The following ADARB1 variants were observed in gnomAD, a reference collection of about 807,000 sequenced individuals.
ADARB1 encodes the protein adenosine deaminase RNA specific B1.
A neutral mutation model predicts 52.4 loss-of-function variants in ADARB1; 10 were observed. The ratio of observed to expected loss-of-function variants is 0.19; its 90% confidence interval spans 0.12 to 0.32. The LOEUF (loss-of-function observed/expected upper bound fraction) is 0.32, where lower values mean the gene tolerates loss of function less well. Among genes scored for constraint, ADARB1 ranks in the 10% least tolerant of loss-of-function variants. The pLI is 1.00. For synonymous variants in ADARB1, 349 were observed against 371.1 expected (o/e 0.94, Z 0.68); for missense variants, 643 against 922.3 (o/e 0.70, Z 3.92).
At chr21:45,175,694 G>T (rs745855846) in intron 3 of ADARB1, 36 bp from the exon 4 acceptor site, 1 of 1,604,038 alleles carries the variant, frequency 6.2e-7, no homozygotes, top group Non-Finnish European at 8.5e-7. Context: ...ATCCTGCAAC[G>T]AAGGCATTGT....
In ADARB1 at chr21:45,224,878, C is replaced by T. The variant is rs768446988; in HGVS notation, c.*2681C>T. The T allele has an allele frequency of 4.1e-6, 4 of 985,752 alleles. No homozygotes were observed. Among genetic ancestry groups the T allele is most frequent in the Non-Finnish European group, 4.8e-6 (4 of 829,906 alleles). 61.1% of individuals were successfully genotyped at this position (985,752 alleles called of 1,614,324 possible). Reference sequence around the variant, plus strand: ...GATCGGGGACCTTAGCACTTTAATCCCTCCCTTCTGAGCGCTCGGTGTGCA... The same window carrying T: ...GATCGGGGACCTTAGCACTTTAATCTCTCCCTTCTGAGCGCTCGGTGTGCA... On this transcript the variant is annotated 3_prime_UTR_variant, in exon 11 of 11. Transcript: ENST00000348831.
rs570995156 is a variant in ADARB1 at position 45,131,608 on chromosome 21, G to A, written c.-48+3035G>A. Among the ~76,000 whole-genome samples the A allele has an allele frequency of 1.9e-4, 29 of 152,294 alleles. No individual in the cohort carries two copies. In the East Asian group the frequency reaches 5.0e-3, roughly 26 times the overall value. On this transcript the variant is annotated intron_variant, in intron 2 of 10. Transcript: ENST00000348831. ...CATGTTGCTACCTGTTGCTACCACCGGGCATCGCTGCCGCCTCCTGCTCTG... is the reference window on the plus strand; with the variant it reads ...CATGTTGCTACCTGTTGCTACCACCAGGCATCGCTGCCGCCTCCTGCTCTG...
rs575722126 is a variant in ADARB1, at chr21:45,202,349, T to G, written c.1566-2206T>G. Among the ~76,000 whole-genome samples the G allele has an allele frequency of 7.9e-5, 12 of 152,264 alleles. No individual in the cohort carries two copies. In the South Asian group the frequency reaches 2.3e-3, roughly 29 times the overall value. On this transcript the variant is annotated intron_variant, in intron 8 of 10. Transcript: ENST00000348831. ...GACCCCAGAGTGGGGACTGAGCAGC[T>G]GGAGGTCAGTGCTGGGGCATATCCA...
chr21:45,180,511 A>T (rs561661090), intron 5 of ADARB1, 67 bp downstream of exon 5: 9 of 1,337,538 alleles, frequency 6.7e-6, no homozygotes, highest in East Asian at 2.4e-5. Context: ...AATGTTCTCA[A>T]TCGACAAAAA....
chr21:45,136,501 C>G (rs1167124638), intron 2 of ADARB1, among the ~76,000 whole-genome samples: 1 of 152,208 alleles, frequency 6.6e-6, no homozygotes, highest in Non-Finnish European at 1.5e-5. Flanking sequence ...CGCCCGGCAC[C>G]ATGTTTCAGA....
rs771170906 is a variant in ADARB1, at chr21:45,204,699, G to A, written c.1710G>A (p.Leu570=). The stretch of plus-strand genomic sequence containing the variant: ...AGCGGATCTCCAACATAGAGGACCT[G>A]CCACCTCTCTACACCCTCAACAAGC... ...MYQRISNIED[L]PPLYTLNKPL... is the part of the protein sequence containing the mutation. Residue 570 remains leucine (L), a synonymous_variant, in exon 9 of 11, where the codon CTG becomes CTA. Coordinates refer to ENST00000348831, the MANE Select transcript of ADARB1 (RefSeq NM_001112.4). This position sits in a 1 kb window ranked among gnomAD's most constrained non-coding sequence, Gnocchi z 4.4. 17 of 1,613,430 alleles carry A rather than the reference G, an allele frequency of 1.1e-5. No homozygotes were observed. The Admixed American group carries it at 2.8e-4, about 27-fold the overall frequency.
intron 9 of ADARB1, among the ~76,000 whole-genome samples, chr21:45,219,619 G>A (rs1026595630): frequency 6.6e-6 from 1 of 152,062 alleles, no homozygotes; most frequent in African/African-American, 2.4e-5. Context: ...TGCCCCTTAA[G>A]GAATTTTTGA....
At chr21:45,156,967 C>G (rs1455372881) in intron 2 of ADARB1, among the ~76,000 whole-genome samples, 6 of 152,226 alleles carry the variant, frequency 3.9e-5, no homozygotes, top group Non-Finnish European at 8.8e-5. Flanking sequence ...ACACCATTCT[C>G]TAGCAGTGTC....
rs2092518724 is a variant in ADARB1, at chr21:45,200,169, T to TC, written c.1566-4382dup. Reference sequence around the variant, plus strand: ...ATGGGGCTGGGTGAGGCTGAACTGTTCCCCTTACACAGGACACAGTGACAG... The same window carrying TC: ...ATGGGGCTGGGTGAGGCTGAACTGTTCCCCCTTACACAGGACACAGTGACAG... On this transcript the variant is annotated intron_variant, in intron 8 of 10. Coordinates refer to ENST00000348831, the MANE Select transcript of ADARB1 (RefSeq NM_001112.4). This position sits in a 1 kb window ranked among gnomAD's most constrained non-coding sequence, Gnocchi z 5.0. Among the ~76,000 whole-genome samples the TC allele has an allele frequency of 1.3e-5, 2 of 151,976 alleles. No homozygotes were observed. The highest frequency in any genetic ancestry group is 6.6e-5 in the Admixed American group (1 of 15,260).
chr21:45,102,878 C>A (rs2087084495), intron 1 of ADARB1, among the ~76,000 whole-genome samples: 2 of 152,206 alleles, frequency 1.3e-5, no homozygotes, highest in Admixed American at 6.5e-5. Context: ...GAGCAACTTC[C>A]TTCCAGAGAG....
At chr21:45,101,457 C>T (rs138491305) in intron 1 of ADARB1, among the ~76,000 whole-genome samples, 66 of 152,324 alleles carry the variant, frequency 4.3e-4, no homozygotes, top group African/African-American at 1.5e-3. Context: ...TCCTGAAGTG[C>T]GTGCACAGAG....
chr21:45,191,868 ATATATATATATATTTTTTTTTT>A (rs1310137495), intron 8 of ADARB1, among the ~76,000 whole-genome samples: 128 of 76,134 alleles, frequency 1.7e-3, no homozygotes, highest in African/African-American at 7.9e-3. Context: ...ATATATATAT[ATATATATATATATTTTTTTTTT>A]TTTTTTTTTT....
intron 8 of ADARB1, among the ~76,000 whole-genome samples, chr21:45,185,444 A>C (rs2092071999): frequency 6.6e-6 from 1 of 152,242 alleles, no homozygotes; most frequent in African/African-American, 2.4e-5. Flanking sequence ...AGTAGATGCA[A>C]CTTCAGTGGT....
intron 8 of ADARB1, among the ~76,000 whole-genome samples, chr21:45,193,328 C>T (rs1395351646): frequency 6.6e-6 from 1 of 152,122 alleles, no homozygotes; most frequent in East Asian, 1.9e-4. Flanking sequence ...AGGCATTTTG[C>T]AAAATCCAAC....
At chr21:45,122,755 G>A (rs385674) in intron 1 of ADARB1, among the ~76,000 whole-genome samples, 89,933 of 152,106 alleles carry the variant, frequency 0.59, 27,049 homozygotes, top group South Asian at 0.67. Context: ...AACGGCACAG[G>A]TTGAAACTCT....
intron 2 of ADARB1, among the ~76,000 whole-genome samples, chr21:45,146,452 C>A (rs1202568328): frequency 6.6e-6 from 1 of 152,242 alleles, no homozygotes; most frequent in Admixed American, 6.5e-5. Context: ...TTCAGCCGGA[C>A]CGGGACTCTC....
chr21:45,107,466 A>G (rs935692455), intron 1 of ADARB1, among the ~76,000 whole-genome samples: 2 of 152,246 alleles, frequency 1.3e-5, no homozygotes, highest in African/African-American at 2.4e-5. Context: ...AACATACTAC[A>G]AAGGCTATAT....
intron 2 of ADARB1, chr21:45,132,183 A>G (rs1042157699): frequency 6.6e-6 from 1 of 152,252 alleles, no homozygotes; most frequent in African/African-American, 2.4e-5. Context: ...AAGTCTCTGA[A>G]TGTGCTTTTC....
At position 45,176,627 on chromosome 21, in the gene ADARB1, C is replaced by T. The variant is rs751932631; in HGVS notation, c.926C>T (p.Pro309Leu). Residue 309 changes from proline (P) to leucine (L), a missense_variant, in exon 4 of 11, where the codon CCT (proline) becomes CTT (leucine). This residue lies in a region of ADARB1 where 380 missense variants were observed against 446.5 expected (regional missense o/e 0.85). Coordinates refer to ENST00000348831, the MANE Select transcript of ADARB1 (RefSeq NM_001112.4). The surrounding 1 kb of genome is among the most constrained non-coding windows in gnomAD (Gnocchi z 5.8). Reference protein sequence around the residue: ...LHLDQTPSRQPIPSEGLQLHL... With the variant: ...LHLDQTPSRQLIPSEGLQLHL... ...TTGGATCAGACGCCATCTCGCCAGCCTATTCCCAGTGAGGGTCTTCAGCTG... is the reference window on the plus strand; with the variant it reads ...TTGGATCAGACGCCATCTCGCCAGCTTATTCCCAGTGAGGGTCTTCAGCTG... 1 of 1,613,080 alleles carries T rather than the reference C, an allele frequency of 6.2e-7. No individual in the cohort carries two copies. The highest frequency in any genetic ancestry group is 8.5e-7 in the Non-Finnish European group (1 of 1,179,570).
Sources: allele counts gnomAD v4.1 joint callset (sites outside exome capture counted in the v4.1 genomes callset), GRCh38; gene constraint gnomAD v4.1.1; regional missense constraint gnomAD v4.1.1; non-coding constraint Gnocchi (gnomAD v3.1); transcripts MANE v1.5; gene names NCBI Gene and HGNC (gene_info 2026-07-23, HGNC 2026-07-21).